SPECC1: variants seen among roughly 807,000 people sequenced by gnomAD.
SPECC1 encodes cytospin-B.
Under a neutral mutation model 104.1 loss-of-function variants are expected in SPECC1, and 62 were observed. That is an observed-to-expected ratio of 0.60 (90% CI 0.49 to 0.74). SPECC1 has a LOEUF of 0.74. Among genes scored for constraint, SPECC1 ranks in the 30% least tolerant of loss-of-function variants. SPECC1 has a pLI of 0.00. For synonymous variants in SPECC1, 513 were observed against 501.6 expected, an observed-to-expected ratio of 1.02 and a Z score of -0.30; for missense variants, 1,306 against 1,310.5, an observed-to-expected ratio of 1.00 and a Z score of 0.05.
chr17:20,271,782 T>C (rs2040418755), intron 12 of SPECC1, among the ~76,000 whole-genome samples: 1 of 152,014 alleles, frequency 6.6e-6, no homozygotes, highest in South Asian at 2.1e-4. Flanking sequence ...TTCCCTTTGT[T>C]TTTTTTTCCC....
At position 20,021,941 on chromosome 17, in the gene SPECC1, AATT is replaced by A. The variant is rs1393747646; in HGVS notation, c.-22+12526_-22+12528del. ...TACTATTTATTATTATTATAATTATAATTATTATTATATTTTTTGAGATGGAGT... is the reference window on the plus strand; with the variant it reads ...TACTATTTATTATTATTATAATTATAATTATTATATTTTTTGAGATGGAGT... On this transcript the variant is annotated intron_variant, in intron 1 of 14. Coordinates refer to ENST00000395527, the MANE Select transcript of SPECC1 (RefSeq NM_001243439.2). Among the ~76,000 whole-genome samples, 3 of 149,186 alleles carry A rather than the reference AATT, an allele frequency of 2.0e-5. No individual in the cohort carries two copies. The Admixed American group carries it at 2.0e-4, about 10-fold the overall frequency.
At chr17:20,167,136 ATATAT>A (rs972403014) in intron 3 of SPECC1, among the ~76,000 whole-genome samples, 43 of 148,002 alleles carry the variant, frequency 2.9e-4, no homozygotes, top group Admixed American at 2.3e-3. Flanking sequence ...ATGTGTATAT[ATATAT>A]TATATTATAT....
intron 1 of SPECC1, among the ~76,000 whole-genome samples, chr17:20,025,107 A>G (rs747894764): frequency 3.3e-5 from 5 of 152,172 alleles, no homozygotes; most frequent in Non-Finnish European, 5.9e-5. Flanking sequence ...GCAATTGGCC[A>G]TGACCCAGAA....
chr17:20,222,068 T>C (rs2037915737), intron 4 of SPECC1, among the ~76,000 whole-genome samples: 1 of 151,858 alleles, frequency 6.6e-6, no homozygotes, highest in African/African-American at 2.4e-5. Flanking sequence ...GCGTGGTGGT[T>C]CAAGCCTGTA....
intron 5 of SPECC1, 42 bp from the exon 6 acceptor site, chr17:20,231,716 C>T (rs745786561): frequency 4.4e-6 from 7 of 1,592,858 alleles, no homozygotes; most frequent in Non-Finnish European, 5.2e-6. Context: ...TCTTAAGAGT[C>T]TCACAGCTTT....
chr17:20,090,033 C>A (rs745990743), intron 1 of SPECC1, among the ~76,000 whole-genome samples: 1 of 152,218 alleles, frequency 6.6e-6, no homozygotes, highest in Non-Finnish European at 1.5e-5. Context: ...GGCTTACCAA[C>A]AAGGAGAGGC....
chr17:20,061,388 A>G, intron 1 of SPECC1, among the ~76,000 whole-genome samples: 1 of 152,166 alleles, frequency 6.6e-6, no homozygotes, highest in East Asian at 1.9e-4. Context: ...TTTCTTTTGA[A>G]ATAGGAATTC....
chr17:20,281,016 A>G (rs1230060549), intron 12 of SPECC1, among the ~76,000 whole-genome samples: 1 of 152,192 alleles, frequency 6.6e-6, no homozygotes, highest in Non-Finnish European at 1.5e-5. Context: ...AGCGGGTCAC[A>G]GTTTGGTTTG....
chr17:20,218,299 C>T (rs543557272), intron 4 of SPECC1, among the ~76,000 whole-genome samples: 1 of 152,034 alleles, frequency 6.6e-6, no homozygotes, highest in East Asian at 1.9e-4. Context: ...CCCAACCCTG[C>T]ATTGTTAGAT....
At chr17:20,225,989 G>T (rs1361882977) in intron 4 of SPECC1, among the ~76,000 whole-genome samples, 1 of 151,512 alleles carries the variant, frequency 6.6e-6, no homozygotes, top group African/African-American at 2.4e-5. Flanking sequence ...AGATACTAGG[G>T]GTGCAATGGT....
chr17:20,295,552 G>A (rs947405895), intron 12 of SPECC1, among the ~76,000 whole-genome samples: 6 of 152,130 alleles, frequency 3.9e-5, no homozygotes, highest in Non-Finnish European at 7.4e-5. Context: ...GGATGGCTGG[G>A]TCAAATGGTA....
chr17:20,078,365 T>TG (rs1201835835), intron 1 of SPECC1, among the ~76,000 whole-genome samples: 1 of 150,652 alleles, frequency 6.6e-6, no homozygotes, highest in Non-Finnish European at 1.5e-5. Flanking sequence ...CAAAGAAAAA[T>TG]GGGCAAAGGT....
chr17:20,065,976 A>ATATC (rs1156606865), intron 1 of SPECC1, among the ~76,000 whole-genome samples: 1 of 152,180 alleles, frequency 6.6e-6, no homozygotes, highest in Non-Finnish European at 1.5e-5. Flanking sequence ...TTTGTTATCT[A>ATATC]TATCTATCTA....
At chr17:20,268,173 T>G (rs1241439564) in intron 12 of SPECC1, among the ~76,000 whole-genome samples, 1 of 152,256 alleles carries the variant, frequency 6.6e-6, no homozygotes, top group Non-Finnish European at 1.5e-5. Context: ...TCTGTTCCAC[T>G]TTTGAAATTG....
intron 4 of SPECC1, among the ~76,000 whole-genome samples, chr17:20,213,860 G>A (rs2037315000): frequency 7.2e-6 from 1 of 139,080 alleles, no homozygotes; most frequent in Admixed American, 7.2e-5. Context: ...CCTCAAGACA[G>A]TGGGAGTCTC....
Position 20,205,419 on chromosome 17 carries a change from C to A in SPECC1, c.1370C>A (p.Thr457Asn). The change falls in exon 4 of 15, where the codon ACC becomes AAC. Residue 457 changes from threonine to asparagine, a missense_variant. Transcript: ENST00000395527. ...GAGCGAGTAAAGAATGAAGAGCCCA[C>A]CACTCAGGAAGGAAAAATTATTGAA... Reference protein sequence around the residue: ...LQERVKNEEPTTQEGKIIELE... With the variant: ...LQERVKNEEPNTQEGKIIELE... 6.2e-7 allele frequency: 1 copy of A among 1,614,046 alleles called. No homozygotes were observed. The highest frequency in any genetic ancestry group is 1.1e-5 in the South Asian group (1 of 91,066).
At chr17:20,252,320 C>T (rs2039663900) in intron 9 of SPECC1, among the ~76,000 whole-genome samples, 1 of 151,896 alleles carries the variant, frequency 6.6e-6, no homozygotes, top group South Asian at 2.1e-4. Flanking sequence ...AGATTTGTTA[C>T]ATGGATATAT....
intron 1 of SPECC1, among the ~76,000 whole-genome samples, chr17:20,020,287 G>C (rs961572983): frequency 4.6e-5 from 7 of 152,096 alleles, no homozygotes; most frequent in African/African-American, 1.7e-4. Context: ...AACTCTAAAG[G>C]CTGTATCTAG....
intron 14 of SPECC1, among the ~76,000 whole-genome samples, chr17:20,312,283 A>G (rs2041953205): frequency 6.6e-6 from 1 of 152,248 alleles, no homozygotes; most frequent in African/African-American, 2.4e-5. Context: ...AACAAATGTC[A>G]TGCACTATAA....
Sources: allele counts gnomAD v4.1 joint callset (sites outside exome capture counted in the v4.1 genomes callset), GRCh38; gene constraint gnomAD v4.1.1; transcripts MANE v1.5; gene names NCBI Gene and HGNC (gene_info 2026-07-23, HGNC 2026-07-21).